The following EYS variants were observed in gnomAD, a reference collection of about 807,000 sequenced individuals.
EYS encodes the protein EGF-like photoreceptor maintenance factor.
EYS carries 250 observed loss-of-function variants against 282.1 expected under a neutral mutation model. That is an observed-to-expected ratio of 0.89 (90% CI 0.80 to 0.98). The LOEUF is 0.98. Ranked by LOEUF, EYS falls within the 50% of genes least tolerant of loss-of-function variation. EYS has a pLI of 0.00. For missense variants in EYS, 4,016 were observed against 3,709.0 expected (o/e 1.08, Z -2.15); for synonymous variants, 1,355 against 1,282.9 (o/e 1.06, Z -1.20).
chr6:65,258,543 G>A (rs58838044), intron 12 of EYS, among the ~76,000 whole-genome samples: 48,062 of 151,904 alleles, frequency 0.32, 8,451 homozygotes, highest in African/African-American at 0.47. Flanking sequence ...CAAGCTGTGG[G>A]GAAGGGGGAG....
At chr6:63,827,860 A>G (rs868829833) in intron 36 of EYS, among the ~76,000 whole-genome samples, 3 of 122,126 alleles carry the variant, frequency 2.5e-5, no homozygotes, top group African/African-American at 3.6e-5. Context: ...CAAAAAAAAA[A>G]AAAAAAAAAA....
rs1768324037 is a variant in EYS at position 63,720,333 on chromosome 6, A to AGTGAATAAGCACATTCT, written c.*246_*262dup. Reference sequence around the variant, plus strand: ...GGATAGGTAAAAAGTGAATAAGCAAAGTGAATAAGCACATTCTGTGAATAA... The same window carrying AGTGAATAAGCACATTCT: ...GGATAGGTAAAAAGTGAATAAGCAAAGTGAATAAGCACATTCTGTGAATAAGCACATTCTGTGAATAA... On this transcript the variant is annotated 3_prime_UTR_variant, in exon 43 of 43. Coordinates refer to ENST00000503581, the MANE Select transcript of EYS (RefSeq NM_001142800.2). The AGTGAATAAGCACATTCT allele has an allele frequency of 4.9e-6, 2 of 407,174 alleles. No individual in the cohort carries two copies. The highest frequency in any genetic ancestry group is 8.7e-6 in the Non-Finnish European group (2 of 230,558). 25.2% of individuals were successfully genotyped at this position (407,174 alleles called of 1,614,324 possible).
At chr6:65,583,959 A>G (rs1764953641) in intron 2 of EYS, among the ~76,000 whole-genome samples, 1 of 135,862 alleles carries the variant, frequency 7.4e-6, no homozygotes, top group South Asian at 2.3e-4. Context: ...TGAACATATT[A>G]CTTAAAATAA....
At chr6:64,806,090 A>T (rs2150011234) in intron 22 of EYS, among the ~76,000 whole-genome samples, 1 of 151,814 alleles carries the variant, frequency 6.6e-6, no homozygotes, top group African/African-American at 2.4e-5. Flanking sequence ...TGATGTTTTA[A>T]ATTTGAATCT....
At chr6:65,532,691 CAAAT>C (rs1397534591) in intron 2 of EYS, among the ~76,000 whole-genome samples, 1 of 152,068 alleles carries the variant, frequency 6.6e-6, no homozygotes, top group Non-Finnish European at 1.5e-5. Context: ...ACAGGTCTGA[CAAAT>C]AACAGAGATT....
chr6:64,889,824 A>C (rs772855426), intron 18 of EYS, among the ~76,000 whole-genome samples: 1 of 152,032 alleles, frequency 6.6e-6, no homozygotes, highest in African/African-American at 2.4e-5. Flanking sequence ...GTGTTTAAAC[A>C]ATATGAAATC....
intron 35 of EYS, among the ~76,000 whole-genome samples, chr6:63,964,530 G>A (rs1328072649): frequency 1.3e-5 from 2 of 152,154 alleles, no homozygotes; most frequent in Non-Finnish European, 2.9e-5. Context: ...CTTTTGCCTT[G>A]TGGTAGTTCA....
chr6:64,406,309 ACT>A (rs1415163205), intron 28 of EYS, among the ~76,000 whole-genome samples: 2 of 152,202 alleles, frequency 1.3e-5, no homozygotes, highest in African/African-American at 4.8e-5. Context: ...ACAAAAATTA[ACT>A]CAAGATGGAT....
At chr6:64,394,281 C>T (rs1773276595) in intron 28 of EYS, among the ~76,000 whole-genome samples, 1 of 152,100 alleles carries the variant, frequency 6.6e-6, no homozygotes, top group African/African-American at 2.4e-5. Flanking sequence ...GAAAAAACTA[C>T]TTTAAAATTC....
intron 35 of EYS, among the ~76,000 whole-genome samples, chr6:63,911,643 T>C (rs1764252983): frequency 6.6e-6 from 1 of 152,242 alleles, no homozygotes; most frequent in African/African-American, 2.4e-5. Flanking sequence ...TTGTTAGATA[T>C]TATGGTCTCC....
At chr6:65,454,535 T>C (rs1764531802) in intron 5 of EYS, among the ~76,000 whole-genome samples, 4 of 151,994 alleles carry the variant, frequency 2.6e-5, no homozygotes, top group Admixed American at 2.6e-4. Context: ...TATTTTTGCT[T>C]TTGTTGCCTG....
intron 22 of EYS, among the ~76,000 whole-genome samples, chr6:64,634,318 T>C (rs1489559918): frequency 6.6e-6 from 1 of 152,192 alleles, no homozygotes; most frequent in African/African-American, 2.4e-5. Context: ...ATTTTGAGGG[T>C]AGATTGTTAT....
At chr6:65,636,482 C>A (rs1314806467) in intron 2 of EYS, among the ~76,000 whole-genome samples, 4 of 152,164 alleles carry the variant, frequency 2.6e-5, no homozygotes, top group African/African-American at 9.7e-5. Context: ...TATCTCTTCT[C>A]TTGCAAATTT....
chr6:63,934,128 A>G (rs961230576), intron 35 of EYS, among the ~76,000 whole-genome samples: 11 of 152,250 alleles, frequency 7.2e-5, no homozygotes, highest in Non-Finnish European at 1.5e-5. Context: ...ACACTTATGC[A>G]GCCAAAAGAC....
chr6:64,295,117 G>C (rs1456237852), intron 30 of EYS, among the ~76,000 whole-genome samples: 1 of 151,500 alleles, frequency 6.6e-6, no homozygotes, highest in Non-Finnish European at 1.5e-5. Flanking sequence ...GCTCACGCCT[G>C]TAACCCCAGC....
intron 28 of EYS, among the ~76,000 whole-genome samples, chr6:64,402,075 T>C (rs2150436823): frequency 6.6e-6 from 1 of 152,282 alleles, no homozygotes; most frequent in Non-Finnish European, 1.5e-5. Flanking sequence ...TGCTGAATCC[T>C]GTTTCCCCAC....
chr6:64,632,879 T>C (rs1243291545), intron 22 of EYS, among the ~76,000 whole-genome samples: 3 of 152,144 alleles, frequency 2.0e-5, no homozygotes, highest in Non-Finnish European at 4.4e-5. Context: ...CTCTAAATTT[T>C]TAAAAATACA....
chr6:65,110,980 GCCT>G (rs1775199810), intron 12 of EYS, among the ~76,000 whole-genome samples: 2 of 152,074 alleles, frequency 1.3e-5, no homozygotes, highest in Non-Finnish European at 2.9e-5. Flanking sequence ...GATCTGAACT[GCCT>G]CAATGATAAC....
chr6:63,811,401 A>G (rs1771042964), intron 36 of EYS, among the ~76,000 whole-genome samples: 1 of 152,226 alleles, frequency 6.6e-6, no homozygotes, highest in Non-Finnish European at 1.5e-5. Context: ...CTCAGAAGCA[A>G]CTGACAAGGT....
Sources: allele counts gnomAD v4.1 joint callset (sites outside exome capture counted in the v4.1 genomes callset), GRCh38; gene constraint gnomAD v4.1.1; transcripts MANE v1.5; gene names NCBI Gene and HGNC (gene_info 2026-07-23, HGNC 2026-07-21).